Variants in KMT2C observed in about 807,000 individuals in gnomAD.
KMT2C encodes the protein histone-lysine N-methyltransferase 2C.
In KMT2C, 88 loss-of-function variants were observed where a neutral mutation model predicts 507.9. That is an observed-to-expected ratio of 0.17 (90% confidence interval 0.15 to 0.21). The LOEUF is 0.21. KMT2C is among the 10% of genes least tolerant of loss of function. The pLI, the probability that KMT2C is intolerant of heterozygous loss-of-function variation, is 1.00. For synonymous variants in KMT2C, 2,049 were observed against 2,080.8 expected, an observed-to-expected ratio of 0.98 and a Z score of 0.42; for missense variants, 4,954 against 5,957.8, an observed-to-expected ratio of 0.83 and a Z score of 5.55.
intron 1 of KMT2C, among the ~76,000 whole-genome samples, chr7:152,360,346 T>C (rs1215289464): frequency 6.6e-6 from 1 of 150,974 alleles, no homozygotes; most frequent in Non-Finnish European, 1.5e-5. Context: ...GACGTGTTGA[T>C]GCACATCTGT....
At chr7:152,347,248 G>A (rs188274575) in intron 2 of KMT2C, among the ~76,000 whole-genome samples, 1 of 152,348 alleles carries the variant, frequency 6.6e-6, no homozygotes, top group Non-Finnish European at 1.5e-5. Flanking sequence ...GGCAACCTCA[G>A]CTACAGACTT....
intron 27 of KMT2C, among the ~76,000 whole-genome samples, chr7:152,196,571 TCAGG>T (rs1419956820): frequency 2.0e-5 from 3 of 152,188 alleles, no homozygotes; most frequent in African/African-American, 7.2e-5. Flanking sequence ...GGATCACGTA[TCAGG>T]CATTGCCCAC....
chr7:152,188,978 A>G (rs1481296229), intron 31 of KMT2C, among the ~76,000 whole-genome samples: 1 of 152,184 alleles, frequency 6.6e-6, no homozygotes, highest in Non-Finnish European at 1.5e-5. Flanking sequence ...ATCACTAAAA[A>G]TCAGATGATT....
intron 11 of KMT2C, among the ~76,000 whole-genome samples, chr7:152,251,329 A>G (rs1426481482): frequency 2.0e-5 from 3 of 152,164 alleles, no homozygotes; most frequent in African/African-American, 7.2e-5. Flanking sequence ...TTAAAAGGAT[A>G]TTTCAAAACT....
chr7:152,160,298 G>A (rs772801055), intron 43 of KMT2C, among the ~76,000 whole-genome samples: 19 of 152,110 alleles, frequency 1.2e-4, no homozygotes, highest in Admixed American at 8.5e-4. Flanking sequence ...GCAGCATCTA[G>A]AGCTGGTCTA....
rs2129115033 is a variant in KMT2C at position 152,177,578 on chromosome 7, C to G, written c.7875G>C (p.Leu2625Phe). The G allele has an allele frequency of 6.2e-7, 1 of 1,614,132 alleles. No homozygotes were observed. The highest frequency in any genetic ancestry group is 1.1e-5 in the South Asian group (1 of 91,076). Reference sequence around the variant, plus strand: ...CTTGTTGAGATGGTGGCACTTGTTCCAAATCTGGGTGCACAGGTAGCTGAT... The same window carrying G: ...CTTGTTGAGATGGTGGCACTTGTTCGAAATCTGGGTGCACAGGTAGCTGAT... Reference protein sequence around the residue: ...LPNQLPVHPDLEQVPPSQQEQ... With the variant: ...LPNQLPVHPDFEQVPPSQQEQ... Residue 2625 changes from leucine (L) to phenylalanine (F), a missense_variant, in exon 38 of 59, where the codon TTG becomes TTC. Around this residue, in one of 29 missense-constraint regions of KMT2C, gnomAD observed 1,689 missense variants for 1,654.3 expected, o/e 1.02. Coordinates refer to ENST00000262189, the MANE Select transcript of KMT2C (RefSeq NM_170606.3).
At chr7:152,364,222 C>T (rs189209291) in intron 1 of KMT2C, among the ~76,000 whole-genome samples, 12 of 152,058 alleles carry the variant, frequency 7.9e-5, no homozygotes, top group East Asian at 3.9e-4. Flanking sequence ...GCCTCATATG[C>T]GCAAGAATGT....
At chr7:152,159,575 G>A (rs2092320068) in intron 43 of KMT2C, among the ~76,000 whole-genome samples, 1 of 152,100 alleles carries the variant, frequency 6.6e-6, no homozygotes, top group Non-Finnish European at 1.5e-5. Flanking sequence ...GATAGCACCA[G>A]ACAACAATAA....
chr7:152,342,310 G>C (rs1438191726), intron 2 of KMT2C, among the ~76,000 whole-genome samples: 1 of 151,604 alleles, frequency 6.6e-6, no homozygotes, highest in Non-Finnish European at 1.5e-5. Context: ...AAATCCGATA[G>C]TTTTACTATT....
At chr7:152,310,299 G>A (rs1343333240) in intron 5 of KMT2C, among the ~76,000 whole-genome samples, 1 of 152,096 alleles carries the variant, frequency 6.6e-6, no homozygotes, top group African/African-American at 2.4e-5. Context: ...AATCTGTCTG[G>A]GTGCAGTGGC....
chr7:152,270,898 T>A (rs2095953510), intron 7 of KMT2C, among the ~76,000 whole-genome samples: 1 of 152,230 alleles, frequency 6.6e-6, no homozygotes, highest in African/African-American at 2.4e-5. Flanking sequence ...AATTTCTTTA[T>A]AATGAGATGC....
chr7:152,394,482 TTTC>T (rs1394320867), intron 1 of KMT2C, among the ~76,000 whole-genome samples: 1 of 152,236 alleles, frequency 6.6e-6, no homozygotes, highest in African/African-American at 2.4e-5. Context: ...AGCAATGCTC[TTTC>T]CCCAAATATC....
intron 21 of KMT2C, 133 bp from the exon 22 acceptor site, chr7:152,222,199 A>C: frequency 1.7e-6 from 1 of 604,002 alleles, no homozygotes; most frequent in Non-Finnish European, 2.7e-6. Flanking sequence ...TAAAGTTAAA[A>C]GTGCTTTTTA....
chr7:152,356,249 GAGAAA>G (rs910912013), intron 2 of KMT2C, among the ~76,000 whole-genome samples: 1 of 152,120 alleles, frequency 6.6e-6, no homozygotes, highest in African/African-American at 2.4e-5. Flanking sequence ...GAAGTTTCAG[GAGAAA>G]AGAAAAGGTG....
chr7:152,176,387 G>A lies in KMT2C; in HGVS notation c.9066C>T (p.Thr3022=), dbSNP rs2129112951. 6.2e-7 allele frequency: 1 copy of A among 1,614,094 alleles called. No individual in the cohort carries two copies. Among genetic ancestry groups the A allele is most frequent in the Non-Finnish European group, 8.5e-7 (1 of 1,179,998 alleles). The stretch of plus-strand genomic sequence containing the variant: ...GCTGTTGGGGTCCAGACATGCTACT[G>A]GTACCAGACTGACTTGTTTGAGGCC... ...QTGPQTSQSG[T]SSMSGPQQLM... Residue 3022 remains threonine (T), a synonymous_variant, in exon 38 of 59, where the codon ACC becomes ACT. Transcript: ENST00000262189.
intron 25 of KMT2C, 100 bp from the exon 26 acceptor site, chr7:152,203,164 T>C (rs2129135954): frequency 3.4e-6 from 3 of 874,526 alleles, no homozygotes; most frequent in Non-Finnish European, 4.9e-6. Flanking sequence ...CACAGTTTCA[T>C]ATAAACAAAC....
chr7:152,249,490 CTTTT>C (rs558015230), intron 13 of KMT2C, among the ~76,000 whole-genome samples: 3 of 151,394 alleles, frequency 2.0e-5, no homozygotes, highest in African/African-American at 7.3e-5. Flanking sequence ...TCCCCAGATA[CTTTT>C]TTTATTTTTG....
At chr7:152,343,655 A>C (rs2097022540) in intron 2 of KMT2C, among the ~76,000 whole-genome samples, 1 of 152,176 alleles carries the variant, frequency 6.6e-6, no homozygotes, top group Non-Finnish European at 1.5e-5. Context: ...AAAACCACAG[A>C]ATACTGAAAA....
chr7:152,179,643 A>G (rs189556532), intron 37 of KMT2C, among the ~76,000 whole-genome samples, 191 bp downstream of exon 37: 1 of 118,742 alleles, frequency 8.4e-6, no homozygotes, highest in Admixed American at 1.0e-4. Flanking sequence ...AAAATTTTTA[A>G]ATTTGTTGAA....
Sources: allele counts gnomAD v4.1 joint callset (sites outside exome capture counted in the v4.1 genomes callset), GRCh38; gene constraint gnomAD v4.1.1; regional missense constraint gnomAD v4.1.1; transcripts MANE v1.5; gene names NCBI Gene and HGNC (gene_info 2026-07-23, HGNC 2026-07-21).